The following TSHZ2 variants were observed in gnomAD, a reference collection of about 807,000 sequenced individuals.
TSHZ2 encodes the protein teashirt homolog 2.
In TSHZ2, 21 loss-of-function variants were observed where a neutral mutation model predicts 74.4. That is an observed-to-expected ratio of 0.28 (90% CI 0.20 to 0.41). The LOEUF (loss-of-function observed/expected upper bound fraction) is 0.41, where lower values mean the gene tolerates loss of function less well. TSHZ2 is among the 10% of genes least tolerant of loss of function. The pLI, the probability that TSHZ2 is intolerant of heterozygous loss-of-function variation, is 1.00. For synonymous variants in TSHZ2, 540 were observed against 515.3 expected (o/e 1.05, Z -0.65); for missense variants, 1,244 against 1,293.5 (o/e 0.96, Z 0.59).
At chr20:53,329,385 T>C (rs761590625) in intron 2 of TSHZ2, among the ~76,000 whole-genome samples, 2 of 152,220 alleles carry the variant, frequency 1.3e-5, no homozygotes, top group Non-Finnish European at 2.9e-5. Flanking sequence ...CAAAGCAGGA[T>C]GTATGGGGGC....
chr20:53,064,924 T>C (rs1984932193), intron 1 of TSHZ2, among the ~76,000 whole-genome samples: 1 of 152,218 alleles, frequency 6.6e-6, no homozygotes, highest in South Asian at 2.1e-4. Context: ...TCTACTCACT[T>C]ATAATAATAA....
At chr20:53,279,901 C>G (rs1991021904) in intron 2 of TSHZ2, among the ~76,000 whole-genome samples, 1 of 152,168 alleles carries the variant, frequency 6.6e-6, no homozygotes, top group South Asian at 2.1e-4. Context: ...GGATTTCAGA[C>G]AGGGACAGCA....
At chr20:53,023,475 T>G (rs1442877504) in intron 1 of TSHZ2, among the ~76,000 whole-genome samples, 1 of 152,190 alleles carries the variant, frequency 6.6e-6, no homozygotes, top group Admixed American at 6.6e-5. Context: ...TTTTGGCAAT[T>G]TACATTTTTA....
At chr20:52,978,070 T>C (rs1415230855) in intron 1 of TSHZ2, among the ~76,000 whole-genome samples, 1 of 152,192 alleles carries the variant, frequency 6.6e-6, no homozygotes, top group Admixed American at 6.5e-5. Flanking sequence ...CAGCTTGACT[T>C]TTGTCATAGT....
At chr20:53,448,075 C>T (rs759161662) in intron 2 of TSHZ2, among the ~76,000 whole-genome samples, 35 of 151,956 alleles carry the variant, frequency 2.3e-4, no homozygotes, top group African/African-American at 6.0e-4. Flanking sequence ...CACCATGCCC[C>T]GCTACTTTTT....
rs1991069250 is a variant in TSHZ2 at position 53,281,956 on chromosome 20, C to A, written c.*8+25385C>A. Among the ~76,000 whole-genome samples the A allele has an allele frequency of 2.6e-5, 4 of 152,210 alleles. No homozygotes were observed. In the South Asian group the frequency reaches 8.3e-4, roughly 32 times the overall value. ...GTACTGGCAGAGCAGCTTCAGCGAC[C>A]AGGGGACATCCCCAGAAGAGAGCTG... On this transcript the variant is annotated intron_variant, in intron 2 of 2. Transcript: ENST00000371497.
intron 1 of TSHZ2, among the ~76,000 whole-genome samples, chr20:53,003,792 A>C (rs1982532743): frequency 6.6e-6 from 1 of 152,228 alleles, no homozygotes; most frequent in Non-Finnish European, 1.5e-5. Context: ...TTGTACATTA[A>C]TATTTCATCT....
chr20:53,488,718 T>A lies in TSHZ2; in HGVS notation c.*1583T>A, dbSNP rs1331463557. 7.2e-6 allele frequency: 2 copies of A among 278,388 alleles called. No individual in the cohort carries two copies. The highest frequency in any genetic ancestry group is 7.4e-5 in the South Asian group (2 of 27,140). 17.2% of individuals were successfully genotyped at this position (278,388 alleles called of 1,614,324 possible). ...TTTAATTACCAAGGTTATTTTTTTTTAATCTCAACACTGACAAAATGAAAC... is the reference window on the plus strand; with the variant it reads ...TTTAATTACCAAGGTTATTTTTTTTAAATCTCAACACTGACAAAATGAAAC... On this transcript the variant is annotated 3_prime_UTR_variant, in exon 3 of 3. Transcript: ENST00000371497.
intron 1 of TSHZ2, among the ~76,000 whole-genome samples, chr20:53,181,162 G>A (rs1336063754): frequency 3.9e-5 from 6 of 152,180 alleles, no homozygotes; most frequent in Admixed American, 6.5e-5. Context: ...GGCCCCGCTA[G>A]ATAAAGAATC....
intron 2 of TSHZ2, among the ~76,000 whole-genome samples, chr20:53,462,497 C>A (rs763750988): frequency 4.1e-4 from 62 of 152,128 alleles, no homozygotes; most frequent in Non-Finnish European, 7.6e-4. Context: ...ATTCCTTTAC[C>A]TTCCCTACTG....
rs1428373464 is a variant in TSHZ2 at position 53,155,526 on chromosome 20, CCAGGGCA to C, written c.41-97968_41-97962del. Reference sequence around the variant, plus strand: ...GAGGGGATATATCAGGGACAGTCTCCCAGGGCACAGGTCTGGGAAGGAGGGTGCAGAA... The same window carrying C: ...GAGGGGATATATCAGGGACAGTCTCCCAGGTCTGGGAAGGAGGGTGCAGAA... On this transcript the variant is annotated intron_variant, in intron 1 of 2. Coordinates refer to ENST00000371497, the MANE Select transcript of TSHZ2 (RefSeq NM_173485.6). Among the ~76,000 whole-genome samples the C allele has an allele frequency of 9.9e-5, 15 of 151,802 alleles. No individual in the cohort carries two copies. The East Asian group carries it at 2.9e-3, about 30-fold the overall frequency.
chr20:53,392,490 A>C (rs1467313890), intron 2 of TSHZ2, among the ~76,000 whole-genome samples: 3 of 152,236 alleles, frequency 2.0e-5, no homozygotes, highest in Non-Finnish European at 4.4e-5. Context: ...AAGGGTTTTC[A>C]TGGTGTACTT....
chr20:53,128,807 A>G (rs1477797201), intron 1 of TSHZ2, among the ~76,000 whole-genome samples: 1 of 152,072 alleles, frequency 6.6e-6, no homozygotes, highest in South Asian at 2.1e-4. Flanking sequence ...TTTTTAGTAG[A>G]GATTGGGTTT....
chr20:53,189,114 A>G (rs193217516), intron 1 of TSHZ2, among the ~76,000 whole-genome samples: 1 of 152,328 alleles, frequency 6.6e-6, no homozygotes, highest in African/African-American at 2.4e-5. Flanking sequence ...AAGGTGTACA[A>G]ATGTAACGAG....
chr20:53,117,363 T>A (rs977629289), intron 1 of TSHZ2, among the ~76,000 whole-genome samples: 1 of 152,218 alleles, frequency 6.6e-6, no homozygotes, highest in African/African-American at 2.4e-5. Flanking sequence ...CCACTTAATG[T>A]ATAGTTATAA....
At chr20:53,190,284 T>A (rs757003855) in intron 1 of TSHZ2, among the ~76,000 whole-genome samples, 18 of 151,182 alleles carry the variant, frequency 1.2e-4, no homozygotes, top group Non-Finnish European at 2.4e-4. Flanking sequence ...CTAAGTAGGT[T>A]GTCCAACCAG....
At chr20:53,020,041 G>C (rs924744504) in intron 1 of TSHZ2, among the ~76,000 whole-genome samples, 8 of 152,176 alleles carry the variant, frequency 5.3e-5, no homozygotes, top group Admixed American at 2.6e-4. Flanking sequence ...GGAGAAGAGA[G>C]TATGCAGGGG....
chr20:53,422,454 G>A (rs1342893731), intron 2 of TSHZ2, among the ~76,000 whole-genome samples: 1 of 152,088 alleles, frequency 6.6e-6, no homozygotes, highest in Non-Finnish European at 1.5e-5. Flanking sequence ...TTATAGACGA[G>A]ACGAAAGGAA....
intron 1 of TSHZ2, among the ~76,000 whole-genome samples, chr20:52,999,597 G>A (rs1047643759): frequency 4.6e-5 from 7 of 152,174 alleles, no homozygotes; most frequent in African/African-American, 1.7e-4. Context: ...ACTGAGCAGA[G>A]CAAACGGCCA....
Sources: gnomAD v4.1 joint callset for allele counts (sites outside exome capture counted in the v4.1 genomes callset) on GRCh38, gnomAD v4.1.1 for gene constraint, MANE v1.5 for transcripts, NCBI Gene and HGNC (gene_info 2026-07-23, HGNC 2026-07-21) for gene names.